The following BLTP1 variants were observed in gnomAD, a reference collection of about 807,000 sequenced individuals.
The protein encoded by BLTP1 is fragile site-associated protein.
At chr4:122,244,553 A>C in the BLTP1 span, 1 of 391,716 alleles carries the variant, frequency 2.6e-6, no homozygotes, top group South Asian at 1.1e-4. Flanking sequence ...ATAATATTAC[A>C]TATTATTATA....
chr4:122,224,017 A>G, the BLTP1 span: 6 of 978,132 alleles, frequency 6.1e-6, no homozygotes, highest in South Asian at 4.7e-5. Flanking sequence ...CTGTAAGAAA[A>G]CTCTCCTTGT....
chr4:122,328,410 AG>A, the BLTP1 span: 3 of 1,499,890 alleles, frequency 2.0e-6, no homozygotes, highest in Non-Finnish European at 2.7e-6. Flanking sequence ...TCTAGAAATG[AG>A]CACAAAATGT....
the BLTP1 span, among the ~76,000 whole-genome samples, chr4:122,166,511 G>A: frequency 3.9e-4 from 60 of 152,274 alleles, no homozygotes; most frequent in East Asian, 8.3e-3. Flanking sequence ...GTACCGTGAT[G>A]CCTCCAGCTT....
chr4:122,186,780 A>G, the BLTP1 span, among the ~76,000 whole-genome samples: 1 of 152,058 alleles, frequency 6.6e-6, no homozygotes, highest in Non-Finnish European at 1.5e-5. Context: ...AGTCTAGCCC[A>G]CTGCCTGTTT....
the BLTP1 span, chr4:122,286,689 A>G: frequency 1.2e-6 from 2 of 1,614,068 alleles, no homozygotes. Flanking sequence ...TAATGGAAGA[A>G]CATGATAGTT....
At chr4:122,309,762 C>T in the BLTP1 span, among the ~76,000 whole-genome samples, 3 of 151,822 alleles carry the variant, frequency 2.0e-5, no homozygotes, top group Admixed American at 6.6e-5. Context: ...TTTGACCTGT[C>T]GGAATCTTGA....
At chr4:122,181,812 A>G in the BLTP1 span, among the ~76,000 whole-genome samples, 2 of 152,126 alleles carry the variant, frequency 1.3e-5, no homozygotes, top group Non-Finnish European at 2.9e-5. Context: ...TCCATACTAG[A>G]GAATTTCCTT....
the BLTP1 span, among the ~76,000 whole-genome samples, chr4:122,265,299 T>C: frequency 1.3e-5 from 2 of 152,244 alleles, no homozygotes; most frequent in Non-Finnish European, 2.9e-5. Context: ...AGATTACTTA[T>C]AATACCTAAT....
chr4:122,298,053 TA>T, the BLTP1 span: 2 of 521,054 alleles, frequency 3.8e-6, no homozygotes, highest in Non-Finnish European at 4.9e-6. Context: ...GAACTTAAAA[TA>T]AAAGGTTGAA....
At chr4:122,207,746 T>A in the BLTP1 span, 69,522 of 1,080,206 alleles carry the variant, frequency 0.064, 2,651 homozygotes, top group Non-Finnish European at 0.075. Flanking sequence ...CTTCAAAGTA[T>A]TTTTAGCTTT....
At chr4:122,296,094 G>A in the BLTP1 span, among the ~76,000 whole-genome samples, 1 of 152,170 alleles carries the variant, frequency 6.6e-6, no homozygotes, top group Non-Finnish European at 1.5e-5. Context: ...GGGCAGTCCG[G>A]CAAGAGAAAG....
chr4:122,299,321 G>A, the BLTP1 span, among the ~76,000 whole-genome samples: 1 of 152,042 alleles, frequency 6.6e-6, no homozygotes, highest in Non-Finnish European at 1.5e-5. Context: ...TTAGGTATTA[G>A]AATTTACACA....
chr4:122,262,083 T>A, the BLTP1 span: 6 of 832,438 alleles, frequency 7.2e-6, no homozygotes, highest in Non-Finnish European at 7.2e-6. Context: ...AGATAGCTTT[T>A]CTTTCTTTAG....
the BLTP1 span, among the ~76,000 whole-genome samples, chr4:122,182,011 T>C: frequency 3.4e-4 from 52 of 152,290 alleles, no homozygotes; most frequent in African/African-American, 1.2e-3. Flanking sequence ...TTTTTTTCTA[T>C]TGAAAATCAT....
the BLTP1 span, among the ~76,000 whole-genome samples, chr4:122,262,333 C>A: frequency 1.1e-3 from 162 of 152,222 alleles, 1 homozygote; most frequent in East Asian, 0.029. Flanking sequence ...GGCACTTCCA[C>A]AAACATGCTA....
At chr4:122,239,082 C>T in the BLTP1 span, among the ~76,000 whole-genome samples, 1 of 152,046 alleles carries the variant, frequency 6.6e-6, no homozygotes, top group Non-Finnish European at 1.5e-5. Flanking sequence ...CTTGTTCTGC[C>T]TTAGTAAATG....
the BLTP1 span, chr4:122,331,264 A>G: frequency 6.6e-7 from 1 of 1,514,132 alleles, no homozygotes; most frequent in African/African-American, 1.4e-5. Flanking sequence ...ATGTTGGAAA[A>G]TAGTTTGTTA....
chr4:122,219,196 T>C, the BLTP1 span: 2 of 1,432,636 alleles, frequency 1.4e-6, no homozygotes, highest in Admixed American at 2.9e-5. Flanking sequence ...TGTTTTCTTT[T>C]GTATTTTAAG....
At chr4:122,170,120 A>G in the BLTP1 span, 1 of 416,954 alleles carries the variant, frequency 2.4e-6, no homozygotes, top group Non-Finnish European at 3.2e-6. Context: ...CAGCCTGACC[A>G]ACATGGAGAA....
Sources: gnomAD v4.1 joint callset for allele counts (sites outside exome capture counted in the v4.1 genomes callset) on GRCh38, gnomAD v4.1.1 for gene constraint, MANE v1.5 for transcripts, NCBI Gene and HGNC (gene_info 2026-07-23, HGNC 2026-07-21) for gene names.